Variants in RBFOX1 observed in about 807,000 individuals in gnomAD.
The protein encoded by RBFOX1 is RNA binding fox-1 homolog 1.
Under a neutral mutation model 57.7 loss-of-function variants are expected in RBFOX1, and 8 were observed. The observed-to-expected ratio is 0.14, with a 90% CI of 0.08 to 0.25. The LOEUF is 0.25. RBFOX1 is among the 10% of genes least tolerant of loss of function. The pLI, the probability that RBFOX1 is intolerant of heterozygous loss-of-function variation, is 1.00. For synonymous variants in RBFOX1, 326 were observed against 222.4 expected, an observed-to-expected ratio of 1.47 and a Z score of -4.15; for missense variants, 611 against 548.5, an observed-to-expected ratio of 1.11 and a Z score of -1.14.
At chr16:6,365,906 T>C (rs893340863) in intron 2 of RBFOX1, among the ~76,000 whole-genome samples, 2 of 152,308 alleles carry the variant, frequency 1.3e-5, no homozygotes, top group African/African-American at 4.8e-5. Flanking sequence ...TTTTGATTAA[T>C]GGGAGCTACA....
rs151197285 is a variant in RBFOX1 at position 5,606,563 on chromosome 16, A to G, written c.318+7602A>G. Among the ~76,000 whole-genome samples the G allele has an allele frequency of 7.2e-4, 110 of 152,116 alleles. 1 individual carries two copies. Among genetic ancestry groups the G allele is most frequent in the African/African-American group, 2.4e-3 (101 of 41,502 alleles). ...CCTAAATTATATCACAGTCACTGCT[A>G]AGAGTTGGAAGGTATGCATATGAAT... On this transcript the variant is annotated intron_variant, in intron 3 of 19. Transcript: ENST00000641259.
chr16:6,639,257 A>T (rs2098467733), intron 2 of RBFOX1, among the ~76,000 whole-genome samples: 1 of 152,174 alleles, frequency 6.6e-6, no homozygotes, highest in South Asian at 2.1e-4. Flanking sequence ...CTGGAATCTG[A>T]TGTCTTTCTG....
intron 3 of RBFOX1, among the ~76,000 whole-genome samples, chr16:6,994,117 G>A (rs912725741): frequency 1.3e-5 from 2 of 152,110 alleles, no homozygotes; most frequent in East Asian, 1.9e-4. Context: ...ATCTGCCCGT[G>A]ATGAGGGGAG....
At chr16:7,123,913 A>C (rs2151852416) in intron 4 of RBFOX1, among the ~76,000 whole-genome samples, 1 of 152,300 alleles carries the variant, frequency 6.6e-6, no homozygotes, top group South Asian at 2.1e-4. Flanking sequence ...GAGAAGAGAA[A>C]GGAGAGAGGG....
rs553962463 is a variant in RBFOX1 at position 7,482,697 on chromosome 16, A to C, written c.28-35450A>C. On this transcript the variant is annotated intron_variant, in intron 4 of 15. Transcript: ENST00000550418. ...ATCAGGGAGAGGCTCCCCTGCTTGC[A>C]CTTCGAATCCACAATGATGAAGGAA... 9.1e-4 allele frequency among the ~76,000 whole-genome samples: 138 copies of C among 151,880 alleles called. 3 individuals are homozygous for C. The highest frequency in any genetic ancestry group is 6.9e-4 in the Non-Finnish European group (47 of 67,960).
chr16:7,427,738 C>G (rs920245155), intron 4 of RBFOX1, among the ~76,000 whole-genome samples: 5 of 151,864 alleles, frequency 3.3e-5, no homozygotes, highest in Admixed American at 2.0e-4. Flanking sequence ...ACTGCAAACT[C>G]CACCTCCCGG....
intron 4 of RBFOX1, among the ~76,000 whole-genome samples, chr16:7,121,080 C>G (rs913286771): frequency 6.6e-6 from 1 of 151,870 alleles, no homozygotes; most frequent in African/African-American, 2.4e-5. Flanking sequence ...ATGATAAAAA[C>G]TCTCAACTAA....
intron 4 of RBFOX1, among the ~76,000 whole-genome samples, chr16:7,126,961 A>T (rs187788860): frequency 6.6e-6 from 1 of 150,790 alleles, no homozygotes; most frequent in African/African-American, 2.4e-5. Context: ...GTGAGCCAAG[A>T]TCGCGCCACT....
At chr16:6,961,232 G>C (rs2082939230) in intron 3 of RBFOX1, among the ~76,000 whole-genome samples, 2 of 152,068 alleles carry the variant, frequency 1.3e-5, no homozygotes. Flanking sequence ...GGATGTCCCT[G>C]AGCTGCTGAT....
At chr16:5,666,431 C>T (rs2049846809) in intron 3 of RBFOX1, among the ~76,000 whole-genome samples, 1 of 152,166 alleles carries the variant, frequency 6.6e-6, no homozygotes, top group African/African-American at 2.4e-5. Flanking sequence ...CCACTGAATT[C>T]CATTGAATTC....
chr16:7,145,932 G>T (rs138188748), intron 4 of RBFOX1, among the ~76,000 whole-genome samples: 51 of 152,284 alleles, frequency 3.3e-4, no homozygotes, highest in African/African-American at 1.2e-3. Context: ...AGTAGCCGTA[G>T]TGGACAGGTG....
intron 1 of RBFOX1, among the ~76,000 whole-genome samples, chr16:6,227,479 T>A (rs2097426675): frequency 6.6e-6 from 1 of 152,134 alleles, no homozygotes; most frequent in Non-Finnish European, 1.5e-5. Context: ...CTCAGGGTTT[T>A]TTTTGCATTT....
At chr16:5,717,974 C>T (rs918691676) in intron 3 of RBFOX1, among the ~76,000 whole-genome samples, 4 of 152,166 alleles carry the variant, frequency 2.6e-5, no homozygotes, top group Non-Finnish European at 4.4e-5. Flanking sequence ...CTCTTCTGGA[C>T]AATGTTATGC....
Position 5,755,441 on chromosome 16 carries a change from T to C in RBFOX1, c.319-111862T>C, listed in dbSNP as rs116466605. The stretch of plus-strand genomic sequence containing the variant: ...TCCCCATTTTATTGGTTCACACTGA[T>C]CTTCCTGAATCAATTGATGGCATGT... On this transcript the variant is annotated intron_variant, in intron 3 of 19. Transcript: ENST00000641259. Among the ~76,000 whole-genome samples, 1,084 of 152,280 alleles carry C rather than the reference T, an allele frequency of 7.1e-3. 19 individuals carry two copies. The highest frequency in any genetic ancestry group is 0.025 in the African/African-American group (1,041 of 41,552).
At chr16:6,581,628 A>G (rs1255029871) in intron 2 of RBFOX1, among the ~76,000 whole-genome samples, 2 of 152,296 alleles carry the variant, frequency 1.3e-5, no homozygotes, top group South Asian at 2.1e-4. Context: ...AAAATACTAC[A>G]TGAGCTTCTC....
intron 4 of RBFOX1, among the ~76,000 whole-genome samples, chr16:7,293,549 A>T (rs927928851): frequency 3.3e-5 from 5 of 152,126 alleles, no homozygotes; most frequent in African/African-American, 1.2e-4. Context: ...GGTCTTTGTA[A>T]TGGAACCCAG....
intron 2 of RBFOX1, among the ~76,000 whole-genome samples, chr16:6,537,549 G>T (rs182443254): frequency 4.1e-4 from 63 of 152,298 alleles, no homozygotes; most frequent in Middle Eastern, 6.8e-3. Flanking sequence ...ACACTCAGTG[G>T]AGTTTGAACC....
chr16:6,314,392 T>C (rs1001954885), intron 1 of RBFOX1, among the ~76,000 whole-genome samples: 8 of 152,178 alleles, frequency 5.3e-5, no homozygotes, highest in African/African-American at 1.9e-4. Context: ...TAGAAGAATA[T>C]GCCAATGGCC....
intron 5 of RBFOX1, among the ~76,000 whole-genome samples, chr16:7,522,315 G>T (rs551140838): frequency 3.3e-5 from 5 of 152,196 alleles, no homozygotes; most frequent in Admixed American, 1.3e-4. Context: ...AGCTCACGGG[G>T]TGGGGTTTGA....
Sources: allele counts gnomAD v4.1 joint callset (sites outside exome capture counted in the v4.1 genomes callset), GRCh38; gene constraint gnomAD v4.1.1; transcripts MANE v1.5; gene names NCBI Gene and HGNC (gene_info 2026-07-23, HGNC 2026-07-21).